SERPINB6: variants seen among roughly 807,000 people sequenced by gnomAD.
The protein encoded by SERPINB6 is serpin B6.
SERPINB6 carries 16 observed loss-of-function variants against 26.1 expected under a neutral mutation model. The observed-to-expected ratio is 0.61, with a 90% CI of 0.42 to 0.93. The LOEUF (loss-of-function observed/expected upper bound fraction) is 0.93. SERPINB6 is among the 40% of genes least tolerant of loss of function. SERPINB6 has a pLI of 0.00. For synonymous variants in SERPINB6, 174 were observed against 176.6 expected (o/e 0.99, Z 0.11); for missense variants, 420 against 478.0 (o/e 0.88, Z 1.13).
intron 1 of SERPINB6, chr6:2,962,034 T>C: frequency 1.0e-6 from 1 of 985,408 alleles, no homozygotes; most frequent in Non-Finnish European, 1.2e-6. Flanking sequence ...AAAGGACTTT[T>C]AATTCAAATG....
chr6:2,969,825 C>T, intron 1 of SERPINB6: 1 of 980,292 alleles, frequency 1.0e-6, no homozygotes, highest in Non-Finnish European at 1.2e-6. Flanking sequence ...AGCAGCCTAA[C>T]ATATAAATGG....
chr6:2,948,523 G>A lies in SERPINB6; in HGVS notation c.906C>T (p.Phe302=), dbSNP rs904382236. The change falls in exon 7 of 7, where the codon TTC becomes TTT. Residue 302 remains phenylalanine (F), a synonymous_variant. Transcript: ENST00000380539. The surrounding 1 kb of genome is among the most constrained non-coding windows in gnomAD (Gnocchi z 5.0). ...TDAFELGKAD[F]SGMSQTDLSL... is the part of the protein sequence containing the mutation. ...ACAGGTCTGTCTGGGACATTCCAGA[G>A]AAGTCTGCCTTGCCCAGCTCGAAGG... 5 of 1,614,056 alleles carry A rather than the reference G, an allele frequency of 3.1e-6. No individual in the cohort carries two copies. In the African/African-American group the frequency reaches 4.0e-5, roughly 13 times the overall value.
Position 2,955,547 on chromosome 6 carries a change from C to G in SERPINB6, c.289G>C (p.Glu97Gln). The change falls in exon 3 of 7, where the codon GAA (glutamate) becomes CAA (glutamine). Residue 97 changes from glutamate (E) to glutamine (Q), a missense_variant. Glu to Gln is a conservative substitution (Grantham distance 29). Transcript: ENST00000380539. ...LLRMANRLFGEKSCDFLSSFR... is the reference protein window; with the variant it reads ...LLRMANRLFGQKSCDFLSSFR... Reference sequence around the variant, plus strand: ...ACTGAGAGGAAATCACAAGACTTTTCCCCAAAGAGCCTGTTGGCCATCCTA... The same window carrying G: ...ACTGAGAGGAAATCACAAGACTTTTGCCCAAAGAGCCTGTTGGCCATCCTA... 1 of 1,614,220 alleles carries G rather than the reference C, an allele frequency of 6.2e-7. No homozygotes were observed. The highest frequency in any genetic ancestry group is 8.5e-7 in the Non-Finnish European group (1 of 1,180,034).
In SERPINB6 at chr6:2,955,525, G is replaced by A. The variant is rs1770361114; in HGVS notation, c.311C>T (p.Ser104Leu). The A allele has an allele frequency of 6.2e-7, 1 of 1,614,098 alleles. No individual in the cohort carries two copies. Among genetic ancestry groups the A allele is most frequent in the African/African-American group, 1.3e-5 (1 of 74,940 alleles). The change falls in exon 3 of 7, where the codon TCA (serine) becomes TTA (leucine). Residue 104 changes from serine to leucine, a missense_variant and splice_region_variant. Coordinates refer to ENST00000380539, the MANE Select transcript of SERPINB6 (RefSeq NM_004568.6). ...LFGEKSCDFL[S>L]SFRDSCQKFY... ...TGAATAAGAGCAAGTATGACTTACT[G>A]AGAGGAAATCACAAGACTTTTCCCC...
chr6:2,950,029 C>A (rs896542242), intron 5 of SERPINB6, among the ~76,000 whole-genome samples: 1 of 152,110 alleles, frequency 6.6e-6, no homozygotes, highest in Non-Finnish European at 1.5e-5. Flanking sequence ...ATAGATCTTA[C>A]CTGACCCTAC....
At chr6:2,964,843 TTA>T (rs1771462602) in intron 1 of SERPINB6, among the ~76,000 whole-genome samples, 1 of 152,226 alleles carries the variant, frequency 6.6e-6, no homozygotes. Context: ...ATGTATGTAT[TTA>T]TTTTTATTAG....
chr6:2,969,352 T>C (rs915671860), intron 1 of SERPINB6: 21 of 974,998 alleles, frequency 2.2e-5, no homozygotes, highest in Middle Eastern at 5.2e-4. Context: ...TTCATATATA[T>C]ATGTGAATAC....
At chr6:2,971,281 C>G in intron 1 of SERPINB6, 1 of 729,418 alleles carries the variant, frequency 1.4e-6, no homozygotes, top group Non-Finnish European at 1.7e-6. Context: ...CGCTGCGAGG[C>G]TCCGGAAGGG....
At chr6:2,955,872 T>C (rs1770417492) in intron 2 of SERPINB6, 3 of 533,516 alleles carry the variant, frequency 5.6e-6, no homozygotes, top group Non-Finnish European at 1.0e-5. Context: ...AGGTCAGGAG[T>C]TCGAGATCAG....
Position 2,948,658 on chromosome 6 carries a change from C to T in SERPINB6, c.771G>A (p.Thr257=), listed in dbSNP as rs372953043. The part of the protein sequence containing the change: ...ELTYEKFVEW[T]RLDMMDEEEV... ...CCTCTTCATCCATCATGTCCAGCCTCGTCCATTCTACGAACTTCTCGTAAG... is the reference window on the plus strand; with the variant it reads ...CCTCTTCATCCATCATGTCCAGCCTTGTCCATTCTACGAACTTCTCGTAAG... The change falls in exon 7 of 7, where the codon ACG becomes ACA. Residue 257 remains threonine (T), a synonymous_variant. Coordinates refer to ENST00000380539, the MANE Select transcript of SERPINB6 (RefSeq NM_004568.6). The surrounding 1 kb of genome is among the most constrained non-coding windows in gnomAD (Gnocchi z 5.0). 4.4e-5 allele frequency: 71 copies of T among 1,614,078 alleles called. No individual in the cohort carries two copies. In the South Asian group the frequency reaches 5.2e-4, roughly 12 times the overall value.
intron 5 of SERPINB6, among the ~76,000 whole-genome samples, chr6:2,951,120 T>G (rs1418877683): frequency 1.3e-5 from 2 of 152,196 alleles, no homozygotes; most frequent in African/African-American, 2.4e-5. Context: ...GCGTGGTGGC[T>G]CACGCCTGTA....
At chr6:2,959,019 A>C (rs938341503) in intron 2 of SERPINB6, 149 bp downstream of exon 2, 1 of 1,039,000 alleles carries the variant, frequency 9.6e-7, no homozygotes, top group African/African-American at 1.6e-5. Context: ...GTGCTCCAGC[A>C]TGGGTGGCAT....
At chr6:2,953,970 C>T (rs900767523) in intron 4 of SERPINB6, among the ~76,000 whole-genome samples, 3 of 151,674 alleles carry the variant, frequency 2.0e-5, no homozygotes, top group African/African-American at 7.3e-5. Flanking sequence ...GCAGAGGTTG[C>T]AATGAGCCAA....
intron 5 of SERPINB6, among the ~76,000 whole-genome samples, chr6:2,950,659 A>T (rs539612721): frequency 5.3e-5 from 8 of 152,286 alleles, no homozygotes; most frequent in Middle Eastern, 3.4e-3. Flanking sequence ...AAAAAACTGC[A>T]CTGGTCACCA....
rs372344240 is a variant in SERPINB6 at position 2,955,675 on chromosome 6, A to T, written c.166-5T>A. 13 of 1,614,040 alleles carry T rather than the reference A, an allele frequency of 8.1e-6. No homozygotes were observed. Among genetic ancestry groups the T allele is most frequent in the Non-Finnish European group, 1.1e-5 (13 of 1,180,028 alleles). ...ACTTTTATTGAAAGAAAGTATCTGA[A>T]ATCAAAAACAGAATGAAAACAAATC... On this transcript the variant is annotated splice_polypyrimidine_tract_variant and splice_region_variant and intron_variant, in intron 2 of 6. Coordinates refer to ENST00000380539, the MANE Select transcript of SERPINB6 (RefSeq NM_004568.6).
intron 1 of SERPINB6, chr6:2,968,552 A>G (rs1390832051): frequency 6.7e-6 from 8 of 1,187,156 alleles, no homozygotes; most frequent in Non-Finnish European, 7.3e-6. Flanking sequence ...ATTTGATTCC[A>G]TTTTGCCTTC....
chr6:2,953,437 A>G (rs955274281), intron 4 of SERPINB6, among the ~76,000 whole-genome samples: 1 of 152,386 alleles, frequency 6.6e-6, no homozygotes. Context: ...AGTTCCTAAC[A>G]CATGAGATAA....
Position 2,953,110 on chromosome 6 carries a change from G to A in SERPINB6, c.507C>T (p.Phe169=). The A allele has an allele frequency of 6.2e-7, 1 of 1,614,208 alleles. No homozygotes were observed. The highest frequency in any genetic ancestry group is 1.1e-5 in the South Asian group (1 of 91,086). The change falls in exon 5 of 7, where the codon TTC becomes TTT. Residue 169 remains phenylalanine, a synonymous_variant. Transcript: ENST00000380539. ...CAAACTGTTCATCCCAGTTTCCTCTGAAATAGACAGCATTCACCAGAACCA... is the reference window on the plus strand; with the variant it reads ...CAAACTGTTCATCCCAGTTTCCTCTAAAATAGACAGCATTCACCAGAACCA... ...TRLVLVNAVY[F]RGNWDEQFDK...
At chr6:2,964,899 T>C (rs1771465728) in intron 1 of SERPINB6, among the ~76,000 whole-genome samples, 1 of 152,246 alleles carries the variant, frequency 6.6e-6, no homozygotes, top group Non-Finnish European at 1.5e-5. Context: ...TGCAGTTGCA[T>C]GATCACGGCC....
Sources: allele counts gnomAD v4.1 joint callset (sites outside exome capture counted in the v4.1 genomes callset), GRCh38; gene constraint gnomAD v4.1.1; non-coding constraint Gnocchi (gnomAD v3.1); transcripts MANE v1.5; gene names NCBI Gene and HGNC (gene_info 2026-07-23, HGNC 2026-07-21).